Variants in SPIRE1 observed in about 807,000 individuals in gnomAD.
The protein encoded by SPIRE1 is spire type actin nucleation factor 1.
In SPIRE1, 40 loss-of-function variants were observed where a neutral mutation model predicts 94.1. That is an observed-to-expected ratio of 0.43 (90% CI 0.33 to 0.55). The LOEUF is 0.55. SPIRE1 is among the 20% of genes least tolerant of loss of function. The pLI is 0.06. For missense variants in SPIRE1, 838 were observed against 975.2 expected (o/e 0.86, Z 1.87); for synonymous variants, 376 against 371.7 (o/e 1.01, Z -0.13).
intron 3 of SPIRE1, among the ~76,000 whole-genome samples, chr18:12,545,500 C>T (rs1302624664): frequency 6.6e-6 from 1 of 152,158 alleles, no homozygotes; most frequent in Non-Finnish European, 1.5e-5. Flanking sequence ...ATAAGAGATA[C>T]ACCATTGACA....
intron 9 of SPIRE1, among the ~76,000 whole-genome samples, chr18:12,481,493 T>G (rs1289168736): frequency 6.6e-6 from 1 of 151,968 alleles, no homozygotes; most frequent in Non-Finnish European, 1.5e-5. Context: ...AATTTCTACT[T>G]ATTTTTGAAG....
At chr18:12,490,010 A>G (rs139505610) in intron 8 of SPIRE1, among the ~76,000 whole-genome samples, 16 of 152,224 alleles carry the variant, frequency 1.1e-4, no homozygotes, top group African/African-American at 3.6e-4. Flanking sequence ...TCAGAACTGA[A>G]CTCCCCAAAG....
At chr18:12,485,818 T>G in intron 9 of SPIRE1, 141 bp downstream of exon 9, 1 of 647,734 alleles carries the variant, frequency 1.5e-6, no homozygotes, top group Non-Finnish European at 2.7e-6. Flanking sequence ...ACAAGCAGAA[T>G]GTTTTATTTT....
chr18:12,657,886 C>T lies in SPIRE1; in HGVS notation c.-20G>A. ...AGCCATCCCGCGGGTGGGCGCTGCGCTCGGCAGTCGCGCCGTGTGCCGGCG... is the reference window on the plus strand; with the variant it reads ...AGCCATCCCGCGGGTGGGCGCTGCGTTCGGCAGTCGCGCCGTGTGCCGGCG... On this transcript the variant is annotated 5_prime_UTR_variant, in exon 1 of 17. Transcript: ENST00000409402. 2 of 1,043,236 alleles carry T rather than the reference C, an allele frequency of 1.9e-6. No homozygotes were observed. Among genetic ancestry groups the T allele is most frequent in the Non-Finnish European group, 2.3e-6 (2 of 870,702 alleles). The allele number at this position is 1,043,236 out of a possible 1,614,324, so 64.6% of individuals were successfully genotyped here.
chr18:12,544,416 C>T (rs1197232785), intron 3 of SPIRE1, among the ~76,000 whole-genome samples: 1 of 151,628 alleles, frequency 6.6e-6, no homozygotes, highest in Non-Finnish European at 1.5e-5. Context: ...TGTTGGCCAG[C>T]TAGTCTTGAA....
chr18:12,650,782 G>A (rs1400437808), intron 1 of SPIRE1, among the ~76,000 whole-genome samples: 1 of 151,552 alleles, frequency 6.6e-6, no homozygotes, highest in Non-Finnish European at 1.5e-5. Flanking sequence ...GGGAGGCTGA[G>A]GTGGGAGGAT....
chr18:12,550,716 C>T (rs2035323860), intron 2 of SPIRE1, among the ~76,000 whole-genome samples: 1 of 152,180 alleles, frequency 6.6e-6, no homozygotes, highest in Non-Finnish European at 1.5e-5. Flanking sequence ...TCCCATCTAA[C>T]GTCTTTCCTT....
At chr18:12,552,282 G>C (rs1336171643) in intron 2 of SPIRE1, among the ~76,000 whole-genome samples, 1 of 152,166 alleles carries the variant, frequency 6.6e-6, no homozygotes, top group South Asian at 2.1e-4. Flanking sequence ...GACTTGTGGG[G>C]TACATGACCT....
intron 2 of SPIRE1, among the ~76,000 whole-genome samples, chr18:12,620,915 T>G (rs888046669): frequency 6.6e-6 from 1 of 152,018 alleles, no homozygotes; most frequent in African/African-American, 2.4e-5. Context: ...TAAGAAATTT[T>G]ATCTACACTA....
At chr18:12,490,617 T>A (rs1310821596) in intron 8 of SPIRE1, among the ~76,000 whole-genome samples, 1 of 152,162 alleles carries the variant, frequency 6.6e-6, no homozygotes, top group Non-Finnish European at 1.5e-5. Context: ...ATCCCTGGGA[T>A]GCAAGGACAG....
intron 1 of SPIRE1, chr18:12,656,765 A>C: frequency 2.5e-6 from 2 of 806,978 alleles, no homozygotes; most frequent in Non-Finnish European, 3.0e-6. Flanking sequence ...TTTAGGTCAT[A>C]ATCCTGAAAA....
intron 10 of SPIRE1, among the ~76,000 whole-genome samples, chr18:12,469,132 T>C (rs1455857012): frequency 1.3e-5 from 2 of 152,156 alleles, no homozygotes; most frequent in Admixed American, 1.3e-4. Context: ...TTTGCAGATA[T>C]GGTTCTAGGG....
At chr18:12,591,223 T>C (rs1598503760) in intron 2 of SPIRE1, among the ~76,000 whole-genome samples, 1 of 152,144 alleles carries the variant, frequency 6.6e-6, no homozygotes, top group East Asian at 1.9e-4. Flanking sequence ...TATGCGACTA[T>C]CCAGGGAAAG....
At chr18:12,495,013 G>A (rs1318301998) in intron 7 of SPIRE1, among the ~76,000 whole-genome samples, 1 of 138,192 alleles carries the variant, frequency 7.2e-6, no homozygotes, top group Non-Finnish European at 1.5e-5. Flanking sequence ...TTGCATCACC[G>A]CACTCCAGCC....
chr18:12,465,524 T>C (rs570042597), intron 10 of SPIRE1, among the ~76,000 whole-genome samples: 1 of 152,286 alleles, frequency 6.6e-6, no homozygotes, highest in African/African-American at 2.4e-5. Context: ...CATAGGGTTA[T>C]TGGAAAGATG....
intron 10 of SPIRE1, among the ~76,000 whole-genome samples, chr18:12,477,727 G>A (rs1271820275): frequency 2.0e-5 from 3 of 152,134 alleles, no homozygotes; most frequent in Admixed American, 6.5e-5. Context: ...AAGACAAAGC[G>A]AGGCCACGCT....
intron 5 of SPIRE1, among the ~76,000 whole-genome samples, chr18:12,512,007 C>A (rs1248417530): frequency 6.6e-6 from 1 of 152,174 alleles, no homozygotes; most frequent in African/African-American, 2.4e-5. Flanking sequence ...CCTGCCTTGG[C>A]CTCCCCAAGT....
intron 2 of SPIRE1, among the ~76,000 whole-genome samples, chr18:12,634,227 G>A (rs948171057): frequency 1.5e-4 from 23 of 150,032 alleles, no homozygotes; most frequent in Admixed American, 6.7e-4. Context: ...CAGCCTGGGC[G>A]ACAGAGCGAG....
At chr18:12,569,068 C>A (rs929356214) in intron 2 of SPIRE1, among the ~76,000 whole-genome samples, 1 of 152,112 alleles carries the variant, frequency 6.6e-6, no homozygotes, top group Non-Finnish European at 1.5e-5. Flanking sequence ...TGGCCGGGTG[C>A]GGTGGCTCAT....
Sources: gnomAD v4.1 joint callset for allele counts (sites outside exome capture counted in the v4.1 genomes callset) on GRCh38, gnomAD v4.1.1 for gene constraint, MANE v1.5 for transcripts, NCBI Gene and HGNC (gene_info 2026-07-23, HGNC 2026-07-21) for gene names.